The following TESPA1 variants were observed in gnomAD, a reference collection of about 807,000 sequenced individuals.
TESPA1 encodes the protein protein TESPA1.
A neutral mutation model predicts 57.9 loss-of-function variants in TESPA1; 33 were observed. The ratio of observed to expected loss-of-function variants is 0.57; its 90% CI spans 0.43 to 0.76. The LOEUF (loss-of-function observed/expected upper bound fraction) is 0.76, where lower values mean the gene tolerates loss of function less well. Among genes scored for constraint, TESPA1 ranks in the 30% least tolerant of loss-of-function variants. The pLI, the probability that TESPA1 is intolerant of heterozygous loss-of-function variation, is 0.00. For missense variants in TESPA1, 618 were observed against 632.9 expected (o/e 0.98, Z 0.25); for synonymous variants, 227 against 228.9 (o/e 0.99, Z 0.07).
intron 1 of TESPA1, among the ~76,000 whole-genome samples, chr12:54,976,808 A>G (rs1565874463): frequency 2.0e-5 from 3 of 152,196 alleles, no homozygotes; most frequent in Non-Finnish European, 4.4e-5. Context: ...CCTCTGTGAT[A>G]TGAATCTATT....
intron 3 of TESPA1, among the ~76,000 whole-genome samples, chr12:54,970,142 T>C (rs529140525): frequency 1.6e-4 from 25 of 152,282 alleles, no homozygotes; most frequent in Admixed American, 3.9e-4. Flanking sequence ...ACTGGTACAT[T>C]GCCCAGGGTG....
chr12:54,973,064 T>C (rs1327912460), intron 3 of TESPA1, among the ~76,000 whole-genome samples: 1 of 152,228 alleles, frequency 6.6e-6, no homozygotes, highest in Non-Finnish European at 1.5e-5. Flanking sequence ...TCCTGTGCTC[T>C]GCAGTAGAAA....
intron 10 of TESPA1, among the ~76,000 whole-genome samples, chr12:54,956,720 G>A (rs1285427471): frequency 1.3e-5 from 2 of 152,088 alleles, no homozygotes; most frequent in African/African-American, 2.4e-5. Flanking sequence ...CACAGATAAC[G>A]GCAATTTTTA....
chr12:54,973,558 C>T (rs775293696), intron 2 of TESPA1, 39 bp from the exon 3 acceptor site: 37 of 1,613,710 alleles, frequency 2.3e-5, no homozygotes, highest in Admixed American at 1.8e-4. Context: ...GAGAACTGAA[C>T]GAAATCAGAC....
intron 5 of TESPA1, among the ~76,000 whole-genome samples, 190 bp downstream of exon 5, chr12:54,966,990 TGAG>T (rs1220597198): frequency 6.6e-6 from 1 of 152,104 alleles, no homozygotes; most frequent in East Asian, 1.9e-4. Context: ...GGTAGGCTGA[TGAG>T]GAGGTGTTTC....
intron 10 of TESPA1, among the ~76,000 whole-genome samples, chr12:54,960,943 G>T (rs900843504): frequency 6.6e-6 from 1 of 152,142 alleles, no homozygotes; most frequent in African/African-American, 2.4e-5. Context: ...AGCCCTCCAG[G>T]TGATTGTGAT....
intron 3 of TESPA1, among the ~76,000 whole-genome samples, chr12:54,969,837 A>T (rs1220283964): frequency 6.6e-6 from 1 of 152,232 alleles, no homozygotes; most frequent in African/African-American, 2.4e-5. Context: ...ACGGACGGAA[A>T]GGAGGCATTT....
intron 1 of TESPA1, among the ~76,000 whole-genome samples, chr12:54,979,795 A>G (rs1409942013): frequency 6.6e-6 from 1 of 152,188 alleles, no homozygotes; most frequent in Non-Finnish European, 1.5e-5. Flanking sequence ...GACTCGAAGA[A>G]TATCGCCTAT....
chr12:54,968,056 G>T, intron 3 of TESPA1, 164 bp from the exon 4 acceptor site: 1 of 1,509,620 alleles, frequency 6.6e-7, no homozygotes, highest in South Asian at 1.2e-5. Context: ...TTACTTGTCT[G>T]AAAAATTCAT....
At chr12:54,957,808 A>AT (rs1487743569) in intron 10 of TESPA1, among the ~76,000 whole-genome samples, 8 of 152,224 alleles carry the variant, frequency 5.3e-5, no homozygotes, top group Non-Finnish European at 1.0e-4. Flanking sequence ...ATCATAAACC[A>AT]TTTTTTGTAA....
intron 1 of TESPA1, 86 bp from the exon 2 acceptor site, chr12:54,974,693 G>A: frequency 9.5e-7 from 1 of 1,058,016 alleles, no homozygotes; most frequent in Non-Finnish European, 1.2e-6. Context: ...ATTTTCCTGT[G>A]TCTGCCCAAA....
chr12:54,958,081 T>C (rs1447610798), intron 10 of TESPA1, among the ~76,000 whole-genome samples: 1 of 152,228 alleles, frequency 6.6e-6, no homozygotes, highest in Non-Finnish European at 1.5e-5. Context: ...AATTCAATTC[T>C]GATATTTTAA....
At chr12:54,984,125 A>G (rs577864370) in intron 1 of TESPA1, 2 of 152,326 alleles carry the variant, frequency 1.3e-5, no homozygotes, top group East Asian at 3.9e-4. Context: ...GATTTCAGCC[A>G]GGTACTCTCA....
chr12:54,958,383 T>C (rs892722646), intron 10 of TESPA1, among the ~76,000 whole-genome samples: 14 of 152,216 alleles, frequency 9.2e-5, no homozygotes, highest in Non-Finnish European at 1.6e-4. Context: ...TTATCTTTGT[T>C]TTTTTATAGG....
chr12:54,969,668 G>T (rs1447719722), intron 3 of TESPA1, among the ~76,000 whole-genome samples: 1 of 152,070 alleles, frequency 6.6e-6, no homozygotes, highest in Non-Finnish European at 1.5e-5. Flanking sequence ...GCGAATACTT[G>T]GATAAGCATC....
chr12:54,960,292 C>G (rs576640701), intron 10 of TESPA1, among the ~76,000 whole-genome samples: 3 of 152,186 alleles, frequency 2.0e-5, no homozygotes, highest in Non-Finnish European at 4.4e-5. Context: ...ACTGGCCAAA[C>G]TATTTAAAGG....
At chr12:54,966,331 C>T in intron 6 of TESPA1, 57 bp downstream of exon 6, 2 of 1,611,150 alleles carry the variant, frequency 1.2e-6, no homozygotes, top group Non-Finnish European at 1.7e-6. Context: ...TTGACCTACC[C>T]CAATTCACTG....
intron 1 of TESPA1, among the ~76,000 whole-genome samples, chr12:54,979,416 A>G (rs1952236799): frequency 1.3e-5 from 2 of 152,136 alleles, no homozygotes; most frequent in Non-Finnish European, 2.9e-5. Context: ...CAGTGGTACT[A>G]TTGCTTCTTG....
intron 10 of TESPA1, among the ~76,000 whole-genome samples, chr12:54,952,409 CT>C (rs1343987372): frequency 6.6e-6 from 1 of 152,232 alleles, no homozygotes; most frequent in Non-Finnish European, 1.5e-5. Flanking sequence ...CAGATATGAA[CT>C]CATCAGCTTT....
Sources: gnomAD v4.1 joint callset for allele counts (sites outside exome capture counted in the v4.1 genomes callset) on GRCh38, gnomAD v4.1.1 for gene constraint, MANE v1.5 for transcripts, NCBI Gene and HGNC (gene_info 2026-07-23, HGNC 2026-07-21) for gene names.